The following CCDC178 variants were observed in gnomAD, a reference collection of about 807,000 sequenced individuals.
CCDC178 encodes the protein coiled-coil domain-containing protein 178.
Under a neutral mutation model 117.4 loss-of-function variants are expected in CCDC178, and 126 were observed. That is an observed-to-expected ratio of 1.07 (90% confidence interval 0.93 to 1.24). The LOEUF is 1.24. CCDC178 is among the 50% of genes most tolerant of loss of function. CCDC178 has a pLI of 0.00. For missense variants in CCDC178, 1,030 were observed against 986.9 expected (o/e 1.04, Z -0.59); for synonymous variants, 283 against 313.4 (o/e 0.90, Z 1.02).
chr18:33,397,114 A>G, intron 4 of CCDC178, 35 bp downstream of exon 4: 1 of 1,337,324 alleles, frequency 7.5e-7, no homozygotes, highest in Non-Finnish European at 1.0e-6. Context: ...GACAGAAAAA[A>G]GAGATGAAAA....
chr18:33,404,445 C>A (rs2063754139), intron 3 of CCDC178, among the ~76,000 whole-genome samples: 1 of 151,460 alleles, frequency 6.6e-6, no homozygotes, highest in Non-Finnish European at 1.5e-5. Context: ...TAAAAACAAA[C>A]CAAGAAACTA....
intron 12 of CCDC178, among the ~76,000 whole-genome samples, chr18:33,287,605 C>A (rs546495437): frequency 6.6e-6 from 1 of 151,946 alleles, no homozygotes; most frequent in South Asian, 2.1e-4. Context: ...AGGGCGAAAC[C>A]CCATCTCTAC....
chr18:33,122,412 A>G (rs2057949000), intron 20 of CCDC178, among the ~76,000 whole-genome samples: 1 of 152,148 alleles, frequency 6.6e-6, no homozygotes, highest in African/African-American at 2.4e-5. Flanking sequence ...TCCTGAAATT[A>G]TTGGTGCAGA....
intron 11 of CCDC178, among the ~76,000 whole-genome samples, chr18:33,316,541 G>C (rs1191918372): frequency 6.6e-6 from 1 of 152,128 alleles, no homozygotes; most frequent in East Asian, 1.9e-4. Context: ...ATGGCGCCCG[G>C]AGAGCAGGTG....
At chr18:32,958,236 C>A in intron 22 of CCDC178, 1 of 557,600 alleles carries the variant, frequency 1.8e-6, no homozygotes, top group Non-Finnish European at 3.3e-6. Flanking sequence ...AAAACAAAAA[C>A]ATAGTTAGTG....
At chr18:33,070,557 A>C (rs1380541222) in intron 21 of CCDC178, among the ~76,000 whole-genome samples, 1 of 152,036 alleles carries the variant, frequency 6.6e-6, no homozygotes, top group African/African-American at 2.4e-5. Flanking sequence ...TAATGAGTAC[A>C]AACATACAGT....
intron 11 of CCDC178, among the ~76,000 whole-genome samples, chr18:33,316,756 G>GCAC (rs1480240747): frequency 6.6e-6 from 1 of 151,996 alleles, no homozygotes; most frequent in Non-Finnish European, 1.5e-5. Context: ...GTTTGTGGAT[G>GCAC]CACCAATCGG....
chr18:33,205,935 C>T (rs2059040649), intron 20 of CCDC178, among the ~76,000 whole-genome samples: 1 of 152,194 alleles, frequency 6.6e-6, no homozygotes, highest in Admixed American at 6.5e-5. Context: ...CTCAAGTGAT[C>T]TGCCCACTTT....
intron 14 of CCDC178, among the ~76,000 whole-genome samples, chr18:33,249,811 C>A (rs575702568): frequency 1.2e-3 from 181 of 151,776 alleles, no homozygotes; most frequent in Non-Finnish European, 1.8e-3. Context: ...GAAGAAAGTC[C>A]TTGGTAGCTT....
Position 33,139,619 on chromosome 18 carries a change from G to A in CCDC178, c.2239-46709C>T, listed in dbSNP as rs565055744. 5.9e-4 allele frequency among the ~76,000 whole-genome samples: 90 copies of A among 152,234 alleles called. 1 individual carries two copies. The highest frequency in any genetic ancestry group is 2.1e-3 in the African/African-American group (86 of 41,546). On this transcript the variant is annotated intron_variant, in intron 20 of 22. Coordinates refer to ENST00000383096, the MANE Select transcript of CCDC178 (RefSeq NM_001105528.4). ...GTGGAACTTTGAACTTGAGAGAGAT[G>A]ATTTAGGGTATCTGGCAGAAGAAAT... is the stretch of plus-strand genomic sequence containing the variant.
intron 7 of CCDC178, 65 bp downstream of exon 7, chr18:33,356,259 T>C (rs1208872278): frequency 1.3e-5 from 18 of 1,400,010 alleles, no homozygotes; most frequent in Non-Finnish European, 1.6e-5. Context: ...AACTGGATTA[T>C]AGCAGATGAT....
chr18:33,371,101 G>T (rs1008078112), intron 5 of CCDC178, among the ~76,000 whole-genome samples: 4 of 151,980 alleles, frequency 2.6e-5, no homozygotes, highest in African/African-American at 9.7e-5. Flanking sequence ...CCAACCCACA[G>T]AGATGGTAAA....
intron 15 of CCDC178, among the ~76,000 whole-genome samples, chr18:33,240,704 A>G (rs1047733770): frequency 1.3e-5 from 2 of 151,932 alleles, no homozygotes; most frequent in Non-Finnish European, 2.9e-5. Flanking sequence ...AGATTGAATC[A>G]GTTCTAAAAA....
intron 20 of CCDC178, among the ~76,000 whole-genome samples, chr18:33,140,436 G>A (rs1007460912): frequency 6.6e-6 from 1 of 152,186 alleles, no homozygotes; most frequent in African/African-American, 2.4e-5. Context: ...CCATAGGGAC[G>A]GAGCTGCCCA....
chr18:33,077,868 T>A (rs1027071924), intron 21 of CCDC178, among the ~76,000 whole-genome samples: 2 of 152,110 alleles, frequency 1.3e-5, no homozygotes, highest in Admixed American at 6.6e-5. Flanking sequence ...AGAGCTGGTA[T>A]CATACCTACT....
chr18:32,990,555 G>GT (rs1250751903), intron 21 of CCDC178, among the ~76,000 whole-genome samples: 1 of 151,940 alleles, frequency 6.6e-6, no homozygotes, highest in African/African-American at 2.4e-5. Flanking sequence ...AATTCATCAA[G>GT]TCTTCACAGT....
intron 12 of CCDC178, among the ~76,000 whole-genome samples, chr18:33,286,088 C>T (rs2060096055): frequency 6.6e-6 from 1 of 151,000 alleles, no homozygotes; most frequent in African/African-American, 2.4e-5. Context: ...ATTCTCCTGC[C>T]TGAGCCTCCT....
chr18:33,283,829 T>C (rs922714229), intron 12 of CCDC178, among the ~76,000 whole-genome samples: 4 of 152,230 alleles, frequency 2.6e-5, no homozygotes, highest in African/African-American at 4.8e-5. Flanking sequence ...TAGTTCATCG[T>C]TGTGGATTAC....
chr18:33,323,826 A>T (rs2062549769), intron 10 of CCDC178, among the ~76,000 whole-genome samples, 193 bp from the exon 11 acceptor site: 1 of 151,858 alleles, frequency 6.6e-6, no homozygotes, highest in Admixed American at 6.6e-5. Context: ...AATGTTACTG[A>T]ACAAAATAAT....
Sources: gnomAD v4.1 joint callset for allele counts (sites outside exome capture counted in the v4.1 genomes callset) on GRCh38, gnomAD v4.1.1 for gene constraint, MANE v1.5 for transcripts, NCBI Gene and HGNC (gene_info 2026-07-23, HGNC 2026-07-21) for gene names.